POLR1C: variants seen among roughly 807,000 people sequenced by gnomAD.
POLR1C encodes the protein DNA-directed RNA polymerases I and III subunit RPAC1.
A neutral mutation model predicts 38.3 loss-of-function variants in POLR1C; 42 were observed. The observed-to-expected ratio is 1.10, with a 90% CI of 0.86 to 1.42. The LOEUF is 1.42. Ranked by LOEUF, POLR1C falls within the 40% of genes most tolerant of loss-of-function variation. The pLI is 0.00. For missense variants in POLR1C, 507 were observed against 450.5 expected (o/e 1.13, Z -1.14); for synonymous variants, 163 against 163.9 (o/e 0.99, Z 0.04).
downstream of POLR1C, chr6:43,533,832 T>TAA: frequency 8.3e-7 from 1 of 1,200,958 alleles, no homozygotes; most frequent in Non-Finnish European, 1.2e-6. Flanking sequence ...CTATGACTCT[T>TAA]AAAAAACAAC....
rs1793786464 is a variant in POLR1C at position 43,529,177 on chromosome 6, TAGGAATA to T, written c.923-70_923-64del. The stretch of plus-strand genomic sequence containing the variant: ...ACATTATGGTCACTGGCCCAAAAAG[TAGGAATA>T]AAAAAATAGGAAGGAGGACATCCTT... On this transcript the variant is annotated intron_variant, in intron 8 of 8. Transcript: ENST00000304004. The T allele has an allele frequency of 2.7e-6, 4 of 1,471,222 alleles. No individual in the cohort carries two copies. In the East Asian group the frequency reaches 1.2e-4, roughly 42 times the overall value. 91.1% of individuals were successfully genotyped at this position (1,471,222 alleles called of 1,614,324 possible).
Position 43,551,365 on chromosome 6 carries a change from G to C in POLR1C, c.*48+354G>C, listed in dbSNP as rs772662128. On this transcript the variant is annotated intron_variant, in intron 10 of 10. Coordinates refer to the POLR1C transcript ENST00000607635. ...AAATGGAAAGAGTGCAGAGACATTAGTAAGGACGCAGGACAGGATGAGGGG... is the reference window on the plus strand; with the variant it reads ...AAATGGAAAGAGTGCAGAGACATTACTAAGGACGCAGGACAGGATGAGGGG... 3 of 1,614,032 alleles carry C rather than the reference G, an allele frequency of 1.9e-6. No individual in the cohort carries two copies. The South Asian group carries it at 3.3e-5, about 18-fold the overall frequency.
At chr6:43,535,297 A>C (rs2127712867) in intron 9 of POLR1C, among the ~76,000 whole-genome samples, 1 of 151,078 alleles carries the variant, frequency 6.6e-6, no homozygotes, top group Admixed American at 6.6e-5. Context: ...AAAAAACAGA[A>C]GTGTTTCTAT....
chr6:43,547,517 GAAA>G (rs1266551154), intron 9 of POLR1C: 2 of 1,247,242 alleles, frequency 1.6e-6, no homozygotes, highest in Non-Finnish European at 1.2e-6. Flanking sequence ...CACCAGTATA[GAAA>G]AAACAAATCT....
In POLR1C at chr6:43,521,295, G is replaced by T; in HGVS notation, c.1036G>T (p.Asp346Tyr). Reference sequence around the variant, plus strand: ...GGATGAACTAGATGCGGTTCAGATGGACTGAGCTTGGATGCTTCTGAGGCA... The same window carrying T: ...GGATGAACTAGATGCGGTTCAGATGTACTGAGCTTGGATGCTTCTGAGGCA... ...FLDELDAVQM[D>Y] is the part of the protein sequence containing the mutation. The change falls in exon 9 of 9, where the codon GAC becomes TAC. Residue 346 changes from aspartate (D) to tyrosine (Y), a missense_variant. Transcript: ENST00000642195. 1 of 1,612,224 alleles carries T rather than the reference G, an allele frequency of 6.2e-7. No individual in the cohort carries two copies. The highest frequency in any genetic ancestry group is 1.1e-5 in the South Asian group (1 of 90,966).
At chr6:43,524,787 T>C (rs764271537), downstream of POLR1C, 6 of 1,600,090 alleles carry the variant, frequency 3.7e-6, no homozygotes, top group African/African-American at 6.8e-5. Context: ...GCAGACTGAG[T>C]GATGAAGCTG....
chr6:43,530,971 A>G, downstream of POLR1C: 1 of 1,068,408 alleles, frequency 9.4e-7, no homozygotes, highest in East Asian at 2.6e-5. Flanking sequence ...TTATAGATAC[A>G]GCATCTTTTT....
chr6:43,520,615 T>C lies in POLR1C; in HGVS notation c.656-10T>C. 1 of 1,613,982 alleles carries C rather than the reference T, an allele frequency of 6.2e-7. No individual in the cohort carries two copies. The highest frequency in any genetic ancestry group is 2.2e-5 in the East Asian group (1 of 44,884). The stretch of plus-strand genomic sequence containing the variant: ...GGTTTCCTATAGGCACGTTCCCTCT[T>C]CCTCTCCAGGCAAAGATCATGCCAA... On this transcript the variant is annotated splice_polypyrimidine_tract_variant and intron_variant, in intron 6 of 8. Coordinates refer to ENST00000642195, the MANE Select transcript of POLR1C (RefSeq NM_203290.4).
chr6:43,520,461 A>ATAG, intron 6 of POLR1C, 34 bp downstream of exon 6: 1 of 1,612,314 alleles, frequency 6.2e-7, no homozygotes. Flanking sequence ...GGGAAGGGGG[A>ATAG]TAGTTCGGTT....
intron 9 of POLR1C, among the ~76,000 whole-genome samples, chr6:43,536,831 T>G (rs1285411802): frequency 2.0e-5 from 3 of 150,292 alleles, no homozygotes; most frequent in African/African-American, 7.5e-5. Context: ...TGAAAATTTT[T>G]TCTGTGTGTG....
At chr6:43,557,826 GGTTCGCA>G (rs1274951028) in intron 10 of POLR1C, among the ~76,000 whole-genome samples, 8 of 150,068 alleles carry the variant, frequency 5.3e-5, no homozygotes, top group African/African-American at 2.0e-4. Flanking sequence ...TGGGCGCGGT[GGTTCGCA>G]CCTGTAAATC....
chr6:43,546,640 T>A (rs1264014752), intron 9 of POLR1C: 1 of 1,613,920 alleles, frequency 6.2e-7, no homozygotes, highest in Non-Finnish European at 8.5e-7. Context: ...GAAGATTGGA[T>A]TTCCACTGGA....
At chr6:43,551,227 A>G in intron 10 of POLR1C, 1 of 1,431,384 alleles carries the variant, frequency 7.0e-7, no homozygotes. Flanking sequence ...CCTGTCTCCA[A>G]AAAAATAAAA....
intron 6 of POLR1C, 67 bp from the exon 7 acceptor site, chr6:43,520,558 C>T (rs1793103563): frequency 1.3e-6 from 2 of 1,599,666 alleles, no homozygotes; most frequent in African/African-American, 1.3e-5. Flanking sequence ...CTGTTAGTAG[C>T]TTAGGAGGAG....
intron 2 of POLR1C, among the ~76,000 whole-genome samples, chr6:43,518,269 C>G (rs776244704): frequency 1.9e-4 from 29 of 152,260 alleles, no homozygotes; most frequent in Admixed American, 1.2e-3. Context: ...TGAACTAAGA[C>G]TGATGGTAGA....
intron 9 of POLR1C, chr6:43,539,166 C>T (rs960831936): frequency 1.4e-5 from 15 of 1,097,930 alleles, no homozygotes; most frequent in African/African-American, 7.7e-5. Context: ...TTGCAGGGGA[C>T]GGTGTGGGGC....
At chr6:43,557,783 TAAAAAAAAAAA>T (rs59661301) in intron 10 of POLR1C, among the ~76,000 whole-genome samples, 119 of 87,242 alleles carry the variant, frequency 1.4e-3, no homozygotes, top group African/African-American at 4.7e-3. Context: ...AATAAAGCTG[TAAAAAAAAAAA>T]AAAAAAAAAA....
At chr6:43,528,289 T>C in intron 8 of POLR1C, 1 of 1,398,896 alleles carries the variant, frequency 7.1e-7, no homozygotes, top group Non-Finnish European at 9.9e-7. Context: ...CACTTCATGA[T>C]TAAAATTAGC....
chr6:43,537,899 T>C lies in POLR1C; in HGVS notation c.*4+8540T>C, dbSNP rs1016372301. On this transcript the variant is annotated intron_variant, in intron 9 of 10. Coordinates refer to the POLR1C transcript ENST00000607635. ...CTGGGTAACATGGCAAAACCCTGTATCTACTAAAAATACAAAAAATTAGCC... is the reference window on the plus strand; with the variant it reads ...CTGGGTAACATGGCAAAACCCTGTACCTACTAAAAATACAAAAAATTAGCC... 2.6e-5 allele frequency among the ~76,000 whole-genome samples: 4 copies of C among 151,692 alleles called. No homozygotes were observed. The East Asian group carries it at 7.8e-4, about 30-fold the overall frequency.
Sources: gnomAD v4.1 joint callset for allele counts (sites outside exome capture counted in the v4.1 genomes callset) on GRCh38, gnomAD v4.1.1 for gene constraint, MANE v1.5 for transcripts, NCBI Gene and HGNC (gene_info 2026-07-23, HGNC 2026-07-21) for gene names.